CSMD3: variants seen among roughly 807,000 people sequenced by gnomAD.
CSMD3 encodes CUB and sushi domain-containing protein 3.
CSMD3 carries 177 observed loss-of-function variants against 435.2 expected under a neutral mutation model. That is an observed-to-expected ratio of 0.41 (90% CI 0.36 to 0.46). CSMD3 has a LOEUF of 0.46. Among genes scored for constraint, CSMD3 ranks in the 20% least tolerant of loss-of-function variants. The pLI, the probability that CSMD3 is intolerant of heterozygous loss-of-function variation, is 0.34. For missense variants in CSMD3, 4,265 were observed against 4,504.6 expected (o/e 0.95, Z 1.52); for synonymous variants, 1,656 against 1,520.5 (o/e 1.09, Z -2.07).
At chr8:113,208,287 A>T (rs2092793976) in intron 3 of CSMD3, among the ~76,000 whole-genome samples, 1 of 152,096 alleles carries the variant, frequency 6.6e-6, no homozygotes, top group Non-Finnish European at 1.5e-5. Context: ...GGGACCAGAG[A>T]ATCAGACTTT....
chr8:112,355,249 A>G (rs950539239), intron 38 of CSMD3, among the ~76,000 whole-genome samples: 1 of 152,228 alleles, frequency 6.6e-6, no homozygotes, highest in African/African-American at 2.4e-5. Flanking sequence ...CAGGAATTCT[A>G]GAAGAATATC....
chr8:113,392,570 A>G lies in CSMD3; in HGVS notation c.178+44107T>C, dbSNP rs568412236. 1.3e-3 allele frequency among the ~76,000 whole-genome samples: 198 copies of G among 152,282 alleles called. 1 individual carries two copies. Among genetic ancestry groups the G allele is most frequent in the Non-Finnish European group, 2.2e-3 (152 of 67,980 alleles). On this transcript the variant is annotated intron_variant, in intron 1 of 70. Coordinates refer to ENST00000297405, the MANE Select transcript of CSMD3 (RefSeq NM_198123.2). The stretch of plus-strand genomic sequence containing the variant: ...AAATAACTTAACCAAGGTCAAAGCT[A>G]GGAGAGAAGATTTGGCTCTGAATTC...
At chr8:112,617,918 C>T (rs912056356) in intron 22 of CSMD3, among the ~76,000 whole-genome samples, 2 of 152,076 alleles carry the variant, frequency 1.3e-5, no homozygotes, top group African/African-American at 2.4e-5. Flanking sequence ...CTTCAATTCT[C>T]ATATGTGTAG....
At chr8:112,420,727 A>G (rs1009712276) in intron 32 of CSMD3, among the ~76,000 whole-genome samples, 1 of 152,192 alleles carries the variant, frequency 6.6e-6, no homozygotes, top group Non-Finnish European at 1.5e-5. Flanking sequence ...AGGTTATTAA[A>G]GAATGTAATT....
chr8:112,532,746 C>T (rs1388575972), intron 27 of CSMD3, among the ~76,000 whole-genome samples: 1 of 151,990 alleles, frequency 6.6e-6, no homozygotes, highest in African/African-American at 2.4e-5. Flanking sequence ...AGCAAGAAAT[C>T]ATCTGAAAGT....
intron 68 of CSMD3, among the ~76,000 whole-genome samples, chr8:112,231,942 T>C (rs1473408557): frequency 2.6e-5 from 4 of 152,132 alleles, no homozygotes; most frequent in Admixed American, 2.0e-4. Context: ...AATTAAAACA[T>C]AAAAATACTG....
intron 46 of CSMD3, among the ~76,000 whole-genome samples, chr8:112,319,322 G>A (rs1237875036): frequency 6.6e-6 from 1 of 151,970 alleles, no homozygotes; most frequent in African/African-American, 2.4e-5. Flanking sequence ...TTCTTTGTGT[G>A]TCTCAACCAA....
chr8:112,850,615 A>T (rs765593241), intron 11 of CSMD3, among the ~76,000 whole-genome samples: 50 of 152,218 alleles, frequency 3.3e-4, no homozygotes, highest in Non-Finnish European at 5.9e-4. Context: ...GAAACAGATC[A>T]TAGTTTTTGA....
intron 1 of CSMD3, among the ~76,000 whole-genome samples, chr8:113,431,085 G>A (rs761503591): frequency 3.3e-5 from 5 of 152,070 alleles, no homozygotes; most frequent in African/African-American, 4.8e-5. Context: ...CCTCACAAGG[G>A]GCCCAATTCT....
chr8:113,076,302 C>T (rs945714793), intron 5 of CSMD3, among the ~76,000 whole-genome samples: 4 of 151,750 alleles, frequency 2.6e-5, no homozygotes, highest in Non-Finnish European at 4.4e-5. Context: ...GTTCATAATA[C>T]ATCTTTTGCT....
intron 3 of CSMD3, among the ~76,000 whole-genome samples, chr8:113,223,341 C>T (rs764997502): frequency 6.7e-5 from 10 of 150,312 alleles, no homozygotes; most frequent in Middle Eastern, 6.8e-3. Flanking sequence ...TAATATGTCA[C>T]CAAGTGCAAG....
chr8:112,825,101 A>G (rs1158604571), intron 12 of CSMD3, among the ~76,000 whole-genome samples: 1 of 152,122 alleles, frequency 6.6e-6, no homozygotes, highest in African/African-American at 2.4e-5. Flanking sequence ...CAATTTGGCT[A>G]TTGATACCTG....
At chr8:112,477,751 C>T (rs902396554) in intron 31 of CSMD3, among the ~76,000 whole-genome samples, 9 of 152,252 alleles carry the variant, frequency 5.9e-5, no homozygotes, top group African/African-American at 1.9e-4. Context: ...AATCCACGAG[C>T]CAATTAAATT....
In CSMD3 at chr8:113,098,769, G is replaced by A. The variant is rs2131545958; in HGVS notation, c.904C>T (p.Pro302Ser). Residue 302 changes from proline to serine, a missense_variant, in exon 5 of 71, where the codon CCA (proline) becomes TCA (serine). Pro to Ser is a moderately conservative substitution (Grantham distance 74). Coordinates refer to ENST00000297405, the MANE Select transcript of CSMD3 (RefSeq NM_198123.2). ...YDYLEIEGSE[P>S]PTIWLSGMNI... ...CTATTTACTTACCATATGGTAGGTG[G>A]CTCAGAACCTTCTATTTCTAAGTAA... is the stretch of plus-strand genomic sequence containing the variant. The A allele has an allele frequency of 6.2e-7, 1 of 1,605,758 alleles. No homozygotes were observed. The highest frequency in any genetic ancestry group is 8.5e-7 in the Non-Finnish European group (1 of 1,172,844).
chr8:112,721,519 T>C (rs2076857922), intron 13 of CSMD3, among the ~76,000 whole-genome samples: 1 of 152,078 alleles, frequency 6.6e-6, no homozygotes, highest in Non-Finnish European at 1.5e-5. Flanking sequence ...GAGTTTGCAG[T>C]GAGCCGAGAT....
At chr8:112,358,300 A>G (rs1275100325) in intron 38 of CSMD3, among the ~76,000 whole-genome samples, 1 of 152,160 alleles carries the variant, frequency 6.6e-6, no homozygotes, top group Non-Finnish European at 1.5e-5. Context: ...CATAGATGGA[A>G]GGGACTTGCC....
intron 4 of CSMD3, among the ~76,000 whole-genome samples, chr8:113,160,736 C>T (rs2092023406): frequency 6.6e-6 from 1 of 151,952 alleles, no homozygotes. Flanking sequence ...GAACTGTTCC[C>T]TTTGGGGATT....
chr8:112,340,562 A>C (rs1436152098), intron 42 of CSMD3, among the ~76,000 whole-genome samples: 1 of 152,162 alleles, frequency 6.6e-6, no homozygotes, highest in Non-Finnish European at 1.5e-5. Flanking sequence ...AAAGCATTAC[A>C]TAAAGTCCTT....
intron 33 of CSMD3, among the ~76,000 whole-genome samples, chr8:112,408,684 CTAAG>C (rs1255778826): frequency 2.0e-5 from 3 of 151,612 alleles, no homozygotes; most frequent in Non-Finnish European, 4.4e-5. Context: ...ACACCAGAGA[CTAAG>C]TGATTAAATA....
Sources: allele counts gnomAD v4.1 joint callset (sites outside exome capture counted in the v4.1 genomes callset), GRCh38; gene constraint gnomAD v4.1.1; transcripts MANE v1.5; gene names NCBI Gene and HGNC (gene_info 2026-07-23, HGNC 2026-07-21).